MECOM: variants seen among roughly 807,000 people sequenced by gnomAD.
MECOM encodes MDS1 and EVI1 complex locus.
Under a neutral mutation model 116.3 loss-of-function variants are expected in MECOM, and 13 were observed. The observed-to-expected ratio is 0.11, with a 90% CI of 0.07 to 0.18. The LOEUF (loss-of-function observed/expected upper bound fraction) is 0.18. Among genes scored for constraint, MECOM ranks in the 10% least tolerant of loss-of-function variants. The probability of loss-of-function intolerance (pLI) is 1.00; values close to 1 mark genes in which losing one functional copy is unlikely to be tolerated. For missense variants in MECOM, 1,299 were observed against 1,509.0 expected (o/e 0.86, Z 2.31); for synonymous variants, 528 against 535.2 (o/e 0.99, Z 0.19).
At chr3:169,273,685 T>G (rs929240343) in intron 2 of MECOM, among the ~76,000 whole-genome samples, 1 of 152,196 alleles carries the variant, frequency 6.6e-6, no homozygotes, top group Admixed American at 6.5e-5. Context: ...GCATGTTTAC[T>G]GCGTCAACAT....
intron 1 of MECOM, among the ~76,000 whole-genome samples, chr3:169,482,666 G>C (rs980434731): frequency 6.6e-6 from 1 of 152,096 alleles, no homozygotes; most frequent in African/African-American, 2.4e-5. Context: ...GTCATGCATC[G>C]AGAAGTCAGT....
At chr3:169,450,343 A>G (rs1745342635) in intron 1 of MECOM, among the ~76,000 whole-genome samples, 1 of 152,162 alleles carries the variant, frequency 6.6e-6, no homozygotes, top group Non-Finnish European at 1.5e-5. Context: ...TCAGCAGTCT[A>G]AAGCCAAAGA....
At chr3:169,338,621 G>GTT (rs1723978580) in intron 2 of MECOM, among the ~76,000 whole-genome samples, 1 of 151,888 alleles carries the variant, frequency 6.6e-6, no homozygotes, top group African/African-American at 2.4e-5. Flanking sequence ...GTGTGTGTGT[G>GTT]TGTGTGTGTG....
chr3:169,096,221 T>C (rs2148898266), intron 12 of MECOM, among the ~76,000 whole-genome samples: 1 of 152,154 alleles, frequency 6.6e-6, no homozygotes, highest in Middle Eastern at 3.4e-3. Context: ...TGTTTATGAT[T>C]TTGGGGGGCA....
At chr3:169,362,724 A>G (rs1272747795) in intron 2 of MECOM, among the ~76,000 whole-genome samples, 3 of 152,022 alleles carry the variant, frequency 2.0e-5, no homozygotes, top group Non-Finnish European at 2.9e-5. Context: ...CACAAGAGTC[A>G]CAGTGCTTCG....
rs16854200 is a variant in MECOM at position 169,614,369 on chromosome 3, C to T, written c.37+48967G>A. 0.016 allele frequency among the ~76,000 whole-genome samples: 2,425 copies of T among 151,996 alleles called. 213 individuals carry two copies. In the East Asian group the frequency reaches 0.28, roughly 17 times the overall value. Reference sequence around the variant, plus strand: ...CTCCAAAACCGAGCCTAGCAACTACCCTCATGCATATACACCACTGGATTA... The same window carrying T: ...CTCCAAAACCGAGCCTAGCAACTACTCTCATGCATATACACCACTGGATTA... On this transcript the variant is annotated intron_variant, in intron 1 of 16. Coordinates refer to ENST00000651503, the MANE Select transcript of MECOM (RefSeq NM_004991.4).
intron 2 of MECOM, among the ~76,000 whole-genome samples, chr3:169,193,038 G>A (rs1747924237): frequency 6.6e-6 from 1 of 151,980 alleles, no homozygotes; most frequent in East Asian, 1.9e-4. Context: ...AATGACACAT[G>A]CCTAAGGGAG....
intron 2 of MECOM, among the ~76,000 whole-genome samples, chr3:169,210,198 G>A (rs917007081): frequency 6.6e-6 from 1 of 152,092 alleles, no homozygotes; most frequent in Admixed American, 6.6e-5. Context: ...GGGGTGAGGG[G>A]AGGGAGAGCA....
At chr3:169,419,271 C>T (rs6780457) in intron 1 of MECOM, among the ~76,000 whole-genome samples, 17,546 of 152,078 alleles carry the variant, frequency 0.12, 1,288 homozygotes, top group East Asian at 0.3. Flanking sequence ...AAAAATATTC[C>T]GTGCTCATGG....
chr3:169,589,088 C>G (rs1237375184), intron 1 of MECOM, among the ~76,000 whole-genome samples: 1 of 152,022 alleles, frequency 6.6e-6, no homozygotes, highest in Non-Finnish European at 1.5e-5. Flanking sequence ...AAAGTAAACC[C>G]TACTCAAATG....
chr3:169,656,576 C>T (rs1232444521), intron 1 of MECOM, among the ~76,000 whole-genome samples: 10 of 152,024 alleles, frequency 6.6e-5, no homozygotes, highest in African/African-American at 2.4e-4. Flanking sequence ...CCAAGCAAAA[C>T]ACTCCCCCAT....
At chr3:169,284,872 G>C (rs1712945686) in intron 2 of MECOM, among the ~76,000 whole-genome samples, 1 of 151,968 alleles carries the variant, frequency 6.6e-6, no homozygotes, top group South Asian at 2.1e-4. Flanking sequence ...ATGTATATAA[G>C]ACACCAGTAC....
At chr3:169,102,300 A>T (rs1156559035) in intron 10 of MECOM, 74 bp from the exon 11 acceptor site, 3 of 1,410,012 alleles carry the variant, frequency 2.1e-6, no homozygotes, top group Non-Finnish European at 2.9e-6. Context: ...CAAACCAAGG[A>T]CATCATTAAA....
intron 1 of MECOM, among the ~76,000 whole-genome samples, chr3:169,423,906 T>C (rs912666631): frequency 2.0e-5 from 3 of 152,150 alleles, no homozygotes; most frequent in African/African-American, 7.2e-5. Context: ...AGAGGTAATA[T>C]GTAATCTAGA....
intron 2 of MECOM, among the ~76,000 whole-genome samples, chr3:169,212,465 A>T (rs1358349751): frequency 6.6e-6 from 1 of 150,880 alleles, no homozygotes; most frequent in Admixed American, 6.6e-5. Flanking sequence ...AAAAAAAAAA[A>T]GCTAAACTGC....
At chr3:169,169,158 A>G (rs899532851) in intron 2 of MECOM, among the ~76,000 whole-genome samples, 1 of 152,146 alleles carries the variant, frequency 6.6e-6, no homozygotes, top group Non-Finnish European at 1.5e-5. Flanking sequence ...CCTGAGGAAA[A>G]TGGCTTTCAA....
chr3:169,533,591 T>TTTTTTTTTTTTTCATTTTCTTTTAC (rs55667588), intron 1 of MECOM, among the ~76,000 whole-genome samples: 1 of 132,238 alleles, frequency 7.6e-6, no homozygotes, highest in Admixed American at 7.5e-5. Flanking sequence ...TTTTTTTTTT[T>TTTTTTTTTTTTTCATTTTCTTTTAC]ATTTCCTTAT....
intron 2 of MECOM, among the ~76,000 whole-genome samples, chr3:169,314,983 G>T (rs553566337): frequency 6.6e-6 from 1 of 152,284 alleles, no homozygotes; most frequent in South Asian, 2.1e-4. Flanking sequence ...AGGGCCCTGT[G>T]TAGTTCCCAT....
At chr3:169,258,994 C>T (rs1757205885) in intron 2 of MECOM, among the ~76,000 whole-genome samples, 1 of 152,194 alleles carries the variant, frequency 6.6e-6, no homozygotes, top group African/African-American at 2.4e-5. Flanking sequence ...AATACAACAT[C>T]TATGGTTTTG....
Sources: gnomAD v4.1 joint callset for allele counts (sites outside exome capture counted in the v4.1 genomes callset) on GRCh38, gnomAD v4.1.1 for gene constraint, MANE v1.5 for transcripts, NCBI Gene and HGNC (gene_info 2026-07-23, HGNC 2026-07-21) for gene names.